MINDY2: variants seen among roughly 807,000 people sequenced by gnomAD.
MINDY2 encodes ubiquitin carboxyl-terminal hydrolase MINDY-2.
Under a neutral mutation model 68.2 loss-of-function variants are expected in MINDY2, and 52 were observed. That is an observed-to-expected ratio of 0.76 (90% CI 0.61 to 0.96). The LOEUF is 0.96. Among genes scored for constraint, MINDY2 ranks in the 40% least tolerant of loss-of-function variants. The pLI is 0.00. For missense variants in MINDY2, 881 were observed against 773.4 expected (o/e 1.14, Z -1.65); for synonymous variants, 372 against 303.0 (o/e 1.23, Z -2.36).
chr15:58,838,940 A>T (rs1356862237), intron 6 of MINDY2, among the ~76,000 whole-genome samples: 6 of 152,000 alleles, frequency 3.9e-5, no homozygotes, highest in Non-Finnish European at 8.8e-5. Flanking sequence ...TGATTATATT[A>T]TATCATTATC....
chr15:58,838,378 A>T (rs2032106654), intron 6 of MINDY2, among the ~76,000 whole-genome samples: 1 of 151,928 alleles, frequency 6.6e-6, no homozygotes, highest in Non-Finnish European at 1.5e-5. Flanking sequence ...AGCCTGGGTG[A>T]CAGAGCGAGA....
intron 4 of MINDY2, among the ~76,000 whole-genome samples, chr15:58,817,383 A>C (rs1465076194): frequency 2.0e-5 from 3 of 152,234 alleles, no homozygotes; most frequent in African/African-American, 4.8e-5. Flanking sequence ...AATTAAAATC[A>C]GAATTAGAGA....
At chr15:58,824,998 G>A (rs1336325445) in intron 5 of MINDY2, among the ~76,000 whole-genome samples, 2 of 152,052 alleles carry the variant, frequency 1.3e-5, no homozygotes, top group African/African-American at 4.8e-5. Context: ...CTTGAGTGGT[G>A]TTCAGTTAAA....
chr15:58,802,193 AT>A, intron 2 of MINDY2, 119 bp from the exon 3 acceptor site: 1 of 692,110 alleles, frequency 1.4e-6, no homozygotes. Flanking sequence ...TGGGGAGTCA[AT>A]TTTATATGTC....
At chr15:58,839,629 G>A (rs2032181095) in intron 6 of MINDY2, among the ~76,000 whole-genome samples, 1 of 151,934 alleles carries the variant, frequency 6.6e-6, no homozygotes, top group Non-Finnish European at 1.5e-5. Flanking sequence ...ATTGCACCCA[G>A]CCTAGGGTTA....
At chr15:58,840,193 G>GT (rs11399455) in intron 6 of MINDY2, among the ~76,000 whole-genome samples, 31,297 of 152,076 alleles carry the variant, frequency 0.21, 3,753 homozygotes, top group East Asian at 0.52. Flanking sequence ...CAATGGATGT[G>GT]TAATCAAACT....
At chr15:58,773,367 C>G (rs192555452) in intron 1 of MINDY2, among the ~76,000 whole-genome samples, 2 of 152,268 alleles carry the variant, frequency 1.3e-5, no homozygotes, top group Admixed American at 1.3e-4. Flanking sequence ...ATCAAACATG[C>G]CTTTATCTTC....
chr15:58,852,922 GTTTTTTTT>G lies in MINDY2; in HGVS notation c.1737+998_1737+1005del, dbSNP rs746154698. On this transcript the variant is annotated intron_variant, in intron 8 of 8. Coordinates refer to ENST00000559228, the MANE Select transcript of MINDY2 (RefSeq NM_001040450.3). ...TATACCATGCCAGACTGCTGTTCCTGTTTTTTTTTTTTTTTTTTTTTTTTTTTTTTTTT... is the reference window on the plus strand; with the variant it reads ...TATACCATGCCAGACTGCTGTTCCTGTTTTTTTTTTTTTTTTTTTTTTTTT... 4.1e-4 allele frequency among the ~76,000 whole-genome samples: 20 copies of G among 48,966 alleles called. 1 individual carries two copies. Among genetic ancestry groups the G allele is most frequent in the East Asian group, 1.5e-3 (3 of 2,008 alleles). The allele number at this position is 48,966 out of a possible 152,430, so 32.1% of individuals were successfully genotyped here.
intron 1 of MINDY2, among the ~76,000 whole-genome samples, chr15:58,781,591 C>A (rs17190727): frequency 0.49 from 74,985 of 151,934 alleles, 21,381 homozygotes; most frequent in East Asian, 0.84. Flanking sequence ...GGGTTGTCTC[C>A]TAAAATTTTC....
intron 4 of MINDY2, among the ~76,000 whole-genome samples, chr15:58,811,615 C>T (rs1295593195): frequency 6.6e-6 from 1 of 152,182 alleles, no homozygotes; most frequent in Admixed American, 6.5e-5. Context: ...ATGTGACCTT[C>T]AGGAGAGGAA....
At chr15:58,846,796 A>C (rs1242376434) in intron 6 of MINDY2, among the ~76,000 whole-genome samples, 1 of 152,182 alleles carries the variant, frequency 6.6e-6, no homozygotes, top group Non-Finnish European at 1.5e-5. Flanking sequence ...ATTGGTATAC[A>C]AAAGAAGTAC....
chr15:58,841,006 C>A (rs1257398427), intron 6 of MINDY2, among the ~76,000 whole-genome samples: 1 of 134,672 alleles, frequency 7.4e-6, no homozygotes, highest in African/African-American at 2.8e-5. Flanking sequence ...GTGTGTGAGA[C>A]ACTTTCATTC....
chr15:58,795,714 G>A (rs1213615210), intron 2 of MINDY2, among the ~76,000 whole-genome samples: 1 of 151,970 alleles, frequency 6.6e-6, no homozygotes, highest in African/African-American at 2.4e-5. Flanking sequence ...TATCGTATGT[G>A]TTTTTTTGTA....
At chr15:58,825,368 C>T (rs980177005) in intron 5 of MINDY2, among the ~76,000 whole-genome samples, 2 of 152,140 alleles carry the variant, frequency 1.3e-5, no homozygotes, top group Admixed American at 6.5e-5. Context: ...ACACTGCTTT[C>T]GGGTGTCGAT....
Position 58,787,967 on chromosome 15 carries a change from A to C in MINDY2, c.898+4A>C. On this transcript the variant is annotated splice_donor_region_variant and intron_variant, in intron 2 of 8. Coordinates refer to ENST00000559228, the MANE Select transcript of MINDY2 (RefSeq NM_001040450.3). The stretch of plus-strand genomic sequence containing the variant: ...GAGCAGCTGATGGAATATTTAGGTT[A>C]GTGTTGAAAAGTGGATTTTATATCT... 6.4e-7 allele frequency: 1 copy of C among 1,564,764 alleles called. No individual in the cohort carries two copies. Among genetic ancestry groups the C allele is most frequent in the Non-Finnish European group, 8.6e-7 (1 of 1,157,046 alleles).
intron 7 of MINDY2, among the ~76,000 whole-genome samples, chr15:58,849,950 T>C (rs2032732019): frequency 6.6e-6 from 1 of 152,202 alleles, no homozygotes; most frequent in South Asian, 2.1e-4. Flanking sequence ...TTACCCACAC[T>C]GGTCTCGAAC....
rs768493624 is a variant in MINDY2 at position 58,821,848 on chromosome 15, T to C, written c.1225+29T>C. The C allele has an allele frequency of 9.0e-5, 130 of 1,451,254 alleles. 1 individual carries two copies. Among genetic ancestry groups the C allele is most frequent in the Non-Finnish European group, 1.2e-4 (123 of 1,063,450 alleles). The allele number at this position is 1,451,254 out of a possible 1,614,324, so 89.9% of individuals were successfully genotyped here. A position where few individuals can be genotyped will look rare whatever the true frequency, so the allele number is the denominator to read the frequency against. ...GGTGAGTGCTGCTATTTCCTGACTTTTGAAATTCTTGGCAAGATAATTTTT... is the reference window on the plus strand; with the variant it reads ...GGTGAGTGCTGCTATTTCCTGACTTCTGAAATTCTTGGCAAGATAATTTTT... On this transcript the variant is annotated intron_variant, in intron 5 of 8. Transcript: ENST00000559228.
At chr15:58,802,694 C>G (rs1235621515) in intron 3 of MINDY2, among the ~76,000 whole-genome samples, 2 of 151,812 alleles carry the variant, frequency 1.3e-5, no homozygotes, top group Non-Finnish European at 2.9e-5. Flanking sequence ...ACTTCCAGGT[C>G]AATTTGTCAT....
At chr15:58,836,595 A>G (rs1389660724) in intron 6 of MINDY2, among the ~76,000 whole-genome samples, 1 of 151,994 alleles carries the variant, frequency 6.6e-6, no homozygotes, top group Non-Finnish European at 1.5e-5. Context: ...CTTCTGACAG[A>G]GTACCCAGTG....
Sources: gnomAD v4.1 joint callset for allele counts (sites outside exome capture counted in the v4.1 genomes callset) on GRCh38, gnomAD v4.1.1 for gene constraint, MANE v1.5 for transcripts, NCBI Gene and HGNC (gene_info 2026-07-23, HGNC 2026-07-21) for gene names.